EYS: variants seen among roughly 807,000 people sequenced by gnomAD.
EYS encodes the protein EGF-like photoreceptor maintenance factor.
EYS carries 250 observed loss-of-function variants against 282.1 expected under a neutral mutation model. The ratio of observed to expected loss-of-function variants is 0.89; its 90% CI spans 0.80 to 0.98. EYS has a LOEUF of 0.98. Ranked by LOEUF, EYS falls within the 50% of genes least tolerant of loss-of-function variation. The pLI, the probability that EYS is intolerant of heterozygous loss-of-function variation, is 0.00. For missense variants in EYS, 4,016 were observed against 3,709.0 expected (o/e 1.08, Z -2.15); for synonymous variants, 1,355 against 1,282.9 (o/e 1.06, Z -1.20).
chr6:65,088,693 T>C (rs1005490691), intron 12 of EYS, among the ~76,000 whole-genome samples: 12 of 152,216 alleles, frequency 7.9e-5, no homozygotes, highest in African/African-American at 2.4e-4. Context: ...TTTGCATAAG[T>C]AATAAGGAGC....
intron 19 of EYS, among the ~76,000 whole-genome samples, chr6:64,859,416 C>T (rs983682483): frequency 2.7e-5 from 4 of 150,828 alleles, no homozygotes; most frequent in Admixed American, 2.6e-4. Context: ...CTTTAAAACA[C>T]TCATGAAGGA....
At chr6:65,188,565 G>A (rs1765566356) in intron 12 of EYS, among the ~76,000 whole-genome samples, 1 of 151,490 alleles carries the variant, frequency 6.6e-6, no homozygotes, top group Non-Finnish European at 1.5e-5. Flanking sequence ...ACTTGTGAAT[G>A]CGCATGAATG....
chr6:63,852,900 A>G lies in EYS; in HGVS notation c.7228+11286T>C, dbSNP rs539421832. On this transcript the variant is annotated intron_variant, in intron 36 of 42. Coordinates refer to ENST00000503581, the MANE Select transcript of EYS (RefSeq NM_001142800.2). Reference sequence around the variant, plus strand: ...CAAAAAACCACATGATTATCCCTACAGATGCAGAAAAGGCCTTTGATAAAA... The same window carrying G: ...CAAAAAACCACATGATTATCCCTACGGATGCAGAAAAGGCCTTTGATAAAA... 7.2e-5 allele frequency among the ~76,000 whole-genome samples: 11 copies of G among 152,370 alleles called. No homozygotes were observed. In the East Asian group the frequency reaches 2.1e-3, roughly 29 times the overall value.
At chr6:65,287,709 G>A (rs192361625) in intron 12 of EYS, among the ~76,000 whole-genome samples, 3 of 151,316 alleles carry the variant, frequency 2.0e-5, no homozygotes, top group Admixed American at 2.0e-4. Flanking sequence ...CTTTCCATGA[G>A]TCTGTAATTC....
intron 39 of EYS, among the ~76,000 whole-genome samples, chr6:63,787,692 A>C (rs943263957): frequency 2.6e-5 from 4 of 152,234 alleles, no homozygotes; most frequent in African/African-American, 9.6e-5. Flanking sequence ...CTGTAATCCC[A>C]GCACTTTGGG....
intron 31 of EYS, among the ~76,000 whole-genome samples, chr6:64,200,395 AGTT>A (rs1174343784): frequency 3.3e-5 from 5 of 152,118 alleles, no homozygotes; most frequent in Non-Finnish European, 7.4e-5. Context: ...CACTAATGCA[AGTT>A]GTTAATAAGA....
intron 22 of EYS, among the ~76,000 whole-genome samples, chr6:64,636,308 T>C (rs922836685): frequency 5.9e-5 from 9 of 152,316 alleles, no homozygotes; most frequent in African/African-American, 2.2e-4. Context: ...CATCTGATCT[T>C]TGACAAATCT....
chr6:63,810,648 CACCT>C (rs1771024198), intron 36 of EYS, among the ~76,000 whole-genome samples: 1 of 152,118 alleles, frequency 6.6e-6, no homozygotes, highest in Non-Finnish European at 1.5e-5. Flanking sequence ...AATGTAAGAG[CACCT>C]AACATCTGTG....
chr6:64,230,319 T>TA (rs1207537756), intron 31 of EYS, among the ~76,000 whole-genome samples: 1 of 152,182 alleles, frequency 6.6e-6, no homozygotes, highest in African/African-American at 2.4e-5. Context: ...AGTAACTACA[T>TA]AAAAAACACT....
chr6:64,798,797 C>A (rs146217536), intron 22 of EYS, among the ~76,000 whole-genome samples: 1 of 151,652 alleles, frequency 6.6e-6, no homozygotes, highest in Non-Finnish European at 1.5e-5. Flanking sequence ...TGCATTTGAA[C>A]CCACATAATT....
intron 31 of EYS, among the ~76,000 whole-genome samples, chr6:64,164,198 C>A (rs1775196263): frequency 6.6e-6 from 1 of 152,064 alleles, no homozygotes; most frequent in Non-Finnish European, 1.5e-5. Flanking sequence ...TTCTTAATTG[C>A]TAAAGGGCAA....
intron 12 of EYS, among the ~76,000 whole-genome samples, chr6:65,237,259 C>T (rs1368973325): frequency 6.6e-6 from 1 of 152,244 alleles, no homozygotes; most frequent in African/African-American, 2.4e-5. Flanking sequence ...ACTATTCAAA[C>T]ATATACAAGT....
intron 35 of EYS, among the ~76,000 whole-genome samples, chr6:63,916,343 T>A (rs1764422788): frequency 1.3e-5 from 2 of 152,266 alleles, no homozygotes; most frequent in South Asian, 4.1e-4. Context: ...CAGCAATGTA[T>A]GAAAATTCAA....
chr6:64,215,171 T>C (rs1765892923), intron 31 of EYS, among the ~76,000 whole-genome samples: 1 of 152,000 alleles, frequency 6.6e-6, no homozygotes, highest in Admixed American at 6.6e-5. Context: ...AATATGAAAA[T>C]GAAGGATTGT....
chr6:64,776,510 C>T (rs540862575), intron 22 of EYS, among the ~76,000 whole-genome samples: 2 of 151,990 alleles, frequency 1.3e-5, no homozygotes, highest in South Asian at 2.1e-4. Flanking sequence ...ATCTGAAAGG[C>T]TTTCTATTCT....
intron 35 of EYS, among the ~76,000 whole-genome samples, chr6:63,945,218 G>T (rs1765360500): frequency 6.6e-6 from 1 of 152,112 alleles, no homozygotes; most frequent in Non-Finnish European, 1.5e-5. Context: ...ATTCACGGTG[G>T]AAGGGGAACA....
chr6:64,080,031 G>A lies in EYS; in HGVS notation c.6571+1825C>T, dbSNP rs1005696253. Among the ~76,000 whole-genome samples, 18 of 152,246 alleles carry A rather than the reference G, an allele frequency of 1.2e-4. No homozygotes were observed. In the East Asian group the frequency reaches 1.7e-3, roughly 15 times the overall value. On this transcript the variant is annotated intron_variant, in intron 32 of 42. Transcript: ENST00000503581. ...GTGAATAGTGCCACAATAAATATAC[G>A]TGTTCATGTGTCTTTATAGCAGCAT...
At chr6:65,206,736 A>G (rs1766045560) in intron 12 of EYS, among the ~76,000 whole-genome samples, 1 of 151,872 alleles carries the variant, frequency 6.6e-6, no homozygotes, top group Non-Finnish European at 1.5e-5. Flanking sequence ...AAATCAATGA[A>G]TGTGATCCAC....
intron 33 of EYS, among the ~76,000 whole-genome samples, chr6:64,027,103 G>A (rs913773981): frequency 2.0e-4 from 31 of 152,154 alleles, no homozygotes; most frequent in Admixed American, 1.8e-3. Flanking sequence ...AATGACAGCC[G>A]AAGAAAGGGA....
Sources: allele counts gnomAD v4.1 joint callset (sites outside exome capture counted in the v4.1 genomes callset), GRCh38; gene constraint gnomAD v4.1.1; transcripts MANE v1.5; gene names NCBI Gene and HGNC (gene_info 2026-07-23, HGNC 2026-07-21).